DIAPH3: variants seen among roughly 807,000 people sequenced by gnomAD.
DIAPH3 encodes diaphanous related formin 3.
In DIAPH3, 117 loss-of-function variants were observed where a neutral mutation model predicts 144.3. The observed-to-expected ratio is 0.81, with a 90% CI of 0.70 to 0.95. DIAPH3 has a LOEUF of 0.95. Among genes scored for constraint, DIAPH3 ranks in the 40% least tolerant of loss-of-function variants. The pLI is 0.00. For missense variants in DIAPH3, 1,421 were observed against 1,412.7 expected, an observed-to-expected ratio of 1.01 and a Z score of -0.09; for synonymous variants, 519 against 488.9, an observed-to-expected ratio of 1.06 and a Z score of -0.81.
chr13:59,967,440 A>G (rs577401012), intron 17 of DIAPH3, among the ~76,000 whole-genome samples: 1 of 152,212 alleles, frequency 6.6e-6, no homozygotes, highest in African/African-American at 2.4e-5. Flanking sequence ...TCAGGGAGAT[A>G]CGTGAATGTA....
At position 59,689,600 on chromosome 13, in the gene DIAPH3, C is replaced by T. The variant is rs116719381; in HGVS notation, c.3320-22754G>A. Among the ~76,000 whole-genome samples, 442 of 151,960 alleles carry T rather than the reference C, an allele frequency of 2.9e-3. 2 individuals are homozygous for T. The highest frequency in any genetic ancestry group is 9.6e-3 in the African/African-American group (397 of 41,462). On this transcript the variant is annotated intron_variant, in intron 27 of 27. Transcript: ENST00000400324. Reference sequence around the variant, plus strand: ...AGAAAGCAAAATTCTGAGTAAGAAACGAGAAGACTGCTATTCTGCAGGTTT... The same window carrying T: ...AGAAAGCAAAATTCTGAGTAAGAAATGAGAAGACTGCTATTCTGCAGGTTT...
intron 4 of DIAPH3, among the ~76,000 whole-genome samples, chr13:60,075,213 T>C (rs1202362890): frequency 1.3e-5 from 2 of 152,202 alleles, no homozygotes; most frequent in East Asian, 3.9e-4. Context: ...TGTGGATGTA[T>C]GACATTCATT....
chr13:59,817,617 CA>C (rs1476380054), intron 24 of DIAPH3, among the ~76,000 whole-genome samples: 1 of 151,826 alleles, frequency 6.6e-6, no homozygotes, highest in African/African-American at 2.4e-5. Flanking sequence ...TACGATATTA[CA>C]GTCCTTTAAA....
At chr13:59,916,572 T>C (rs191279107) in intron 18 of DIAPH3, among the ~76,000 whole-genome samples, 87 of 152,236 alleles carry the variant, frequency 5.7e-4, no homozygotes, top group Middle Eastern at 3.4e-3. Flanking sequence ...TAAGGTACAC[T>C]ATAAAAACAT....
At chr13:59,809,560 A>T (rs1335383517) in intron 25 of DIAPH3, among the ~76,000 whole-genome samples, 4 of 152,090 alleles carry the variant, frequency 2.6e-5, no homozygotes, top group Admixed American at 2.6e-4. Context: ...ATTAGGAAGT[A>T]ATATATTAAT....
In DIAPH3 at chr13:59,879,429, T is replaced by G. The variant is rs776272180; in HGVS notation, c.2407A>C (p.Ile803Leu). 1 of 1,613,834 alleles carries G rather than the reference T, an allele frequency of 6.2e-7. No homozygotes were observed. The change falls in exon 21 of 28, where the codon ATT (isoleucine) becomes CTT (leucine). Residue 803 changes from isoleucine (I) to leucine (L), a missense_variant. Transcript: ENST00000400324. Reference protein sequence around the residue: ...VKRLRPRLSAILFKLQFEEQV... With the variant: ...VKRLRPRLSALLFKLQFEEQV... ...TCTTCAAACTGAAGCTTAAAGAGAA[T>G]AGCACTGAGCCGTGGCCGTAGTCTC...
intron 9 of DIAPH3, among the ~76,000 whole-genome samples, chr13:60,000,826 T>C (rs371519568): frequency 2.0e-5 from 3 of 152,152 alleles, no homozygotes; most frequent in African/African-American, 4.8e-5. Context: ...GTAACTAACA[T>C]AGGGAAAATA....
intron 4 of DIAPH3, among the ~76,000 whole-genome samples, chr13:60,077,021 T>C (rs2057402847): frequency 6.6e-6 from 1 of 152,112 alleles, no homozygotes; most frequent in Non-Finnish European, 1.5e-5. Flanking sequence ...TATTTCACAC[T>C]AAAGACTGCT....
intron 4 of DIAPH3, among the ~76,000 whole-genome samples, chr13:60,067,584 A>T (rs2057020465): frequency 6.6e-6 from 1 of 152,190 alleles, no homozygotes; most frequent in South Asian, 2.1e-4. Flanking sequence ...GCCATCTTCA[A>T]ACTATGCCTG....
At chr13:59,717,542 G>C (rs1039192660) in intron 27 of DIAPH3, among the ~76,000 whole-genome samples, 12 of 152,042 alleles carry the variant, frequency 7.9e-5, no homozygotes, top group African/African-American at 2.9e-4. Context: ...AGACCATTTG[G>C]GATAAGTCTT....
chr13:60,058,550 A>C (rs1184313644), intron 4 of DIAPH3, among the ~76,000 whole-genome samples: 1 of 151,978 alleles, frequency 6.6e-6, no homozygotes, highest in Non-Finnish European at 1.5e-5. Context: ...TTTATCAGAA[A>C]GACACCTGGA....
chr13:59,696,314 T>A (rs1290140620), intron 27 of DIAPH3: 1 of 152,222 alleles, frequency 6.6e-6, no homozygotes, highest in East Asian at 1.9e-4. Context: ...ATTTTAATAG[T>A]ACAATATTAG....
chr13:59,692,529 C>A (rs1321424630), intron 27 of DIAPH3, among the ~76,000 whole-genome samples: 1 of 151,624 alleles, frequency 6.6e-6, no homozygotes, highest in Admixed American at 6.6e-5. Context: ...CCCAGCCTTA[C>A]TCCATTCTCC....
rs550703022 is a variant in DIAPH3 at position 59,838,285 on chromosome 13, T to G, written c.2862+1039A>C. On this transcript the variant is annotated intron_variant, in intron 23 of 27. Coordinates refer to ENST00000400324, the MANE Select transcript of DIAPH3 (RefSeq NM_001042517.2). The stretch of plus-strand genomic sequence containing the variant: ...ACATTACTTTCAGGAAATAAAAGTT[T>G]ATTACTTCAGTTACTCATTAGAGAT... 2.0e-5 allele frequency: 3 copies of G among 152,148 alleles called. No individual in the cohort carries two copies. The East Asian group carries it at 5.8e-4, about 29-fold the overall frequency. 9.4% of individuals were successfully genotyped at this position (152,148 alleles called of 1,614,324 possible).
intron 9 of DIAPH3, among the ~76,000 whole-genome samples, chr13:60,007,974 T>C (rs2052987354): frequency 6.6e-6 from 1 of 152,084 alleles, no homozygotes; most frequent in African/African-American, 2.4e-5. Flanking sequence ...TATGATAATA[T>C]CTCATACAGG....
chr13:59,859,560 C>T (rs919355364), intron 22 of DIAPH3, among the ~76,000 whole-genome samples: 5 of 152,062 alleles, frequency 3.3e-5, no homozygotes, highest in African/African-American at 1.2e-4. Flanking sequence ...ATGTTTTTCC[C>T]CAGGAAAAAA....
Position 59,926,542 on chromosome 13 carries a change from T to C in DIAPH3, c.2075-1672A>G, listed in dbSNP as rs572855257. The stretch of plus-strand genomic sequence containing the variant: ...AACTCATTTCAGAAATATTTTTTAT[T>C]TTCTTAATTTCTTCATAACATATTG... On this transcript the variant is annotated intron_variant, in intron 17 of 27. Transcript: ENST00000400324. Among the ~76,000 whole-genome samples the C allele has an allele frequency of 1.2e-3, 177 of 152,328 alleles. 6 individuals are homozygous for C. Among genetic ancestry groups the C allele is most frequent in the Non-Finnish European group, 6.5e-4 (44 of 68,018 alleles).
chr13:59,690,819 C>G (rs757036924), intron 27 of DIAPH3, among the ~76,000 whole-genome samples: 1 of 152,040 alleles, frequency 6.6e-6, no homozygotes, highest in Non-Finnish European at 1.5e-5. Context: ...TGTGCTGAGG[C>G]CAGGGATGCA....
intron 2 of DIAPH3, among the ~76,000 whole-genome samples, chr13:60,121,758 G>A (rs1407267192): frequency 6.6e-6 from 1 of 152,154 alleles, no homozygotes; most frequent in Non-Finnish European, 1.5e-5. Context: ...AGTGAGAGAA[G>A]CAAAGGGGTG....
Sources: gnomAD v4.1 joint callset for allele counts (sites outside exome capture counted in the v4.1 genomes callset) on GRCh38, gnomAD v4.1.1 for gene constraint, MANE v1.5 for transcripts, NCBI Gene and HGNC (gene_info 2026-07-23, HGNC 2026-07-21) for gene names.